VAV2: variants seen among roughly 807,000 people sequenced by gnomAD.
The protein encoded by VAV2 is guanine nucleotide exchange factor VAV2.
In VAV2, 67 loss-of-function variants were observed where a neutral mutation model predicts 132.5. That is an observed-to-expected ratio of 0.51 (90% CI 0.42 to 0.62). The LOEUF (loss-of-function observed/expected upper bound fraction) is 0.62, where lower values mean the gene tolerates loss of function less well. Among genes scored for constraint, VAV2 ranks in the 20% least tolerant of loss-of-function variants. The pLI is 0.00. For missense variants in VAV2, 938 were observed against 1,153.6 expected (o/e 0.81, Z 2.71); for synonymous variants, 492 against 443.5 (o/e 1.11, Z -1.37).
chr9:133,805,552 G>A (rs937592085), intron 9 of VAV2, among the ~76,000 whole-genome samples: 8 of 140,114 alleles, frequency 5.7e-5, no homozygotes, highest in African/African-American at 1.1e-4. Flanking sequence ...CAGAAACGCC[G>A]CCTCCCCAAC....
intron 2 of VAV2, among the ~76,000 whole-genome samples, chr9:133,938,710 AG>A (rs1841018710): frequency 1.3e-5 from 2 of 152,048 alleles, no homozygotes; most frequent in Non-Finnish European, 2.9e-5. Flanking sequence ...GCCCCTTAGG[AG>A]GTGGTACTAA....
intron 1 of VAV2, among the ~76,000 whole-genome samples, chr9:133,946,891 C>A (rs1280851524): frequency 6.6e-6 from 1 of 152,140 alleles, no homozygotes; most frequent in Non-Finnish European, 1.5e-5. Context: ...CAGGTGCTCA[C>A]GGAGACAGGA....
rs1182925582 is a variant in VAV2, at chr9:133,935,886, A to AGGGGGCCCGGTCCCC, written c.321+3202_321+3216dup. Among the ~76,000 whole-genome samples, 35 of 152,174 alleles carry AGGGGGCCCGGTCCCC rather than the reference A, an allele frequency of 2.3e-4. No homozygotes were observed. Among genetic ancestry groups the AGGGGGCCCGGTCCCC allele is most frequent in the African/African-American group, 8.2e-4 (34 of 41,544 alleles). ...GTGCCAGCACCCAGCACACGGTCCCAGGGGGCCCGGTCCCCAGCCAGCTGT... is the reference window on the plus strand; with the variant it reads ...GTGCCAGCACCCAGCACACGGTCCCAGGGGGCCCGGTCCCCGGGGGCCCGGTCCCCAGCCAGCTGT... On this transcript the variant is annotated intron_variant, in intron 2 of 29. Transcript: ENST00000371850. The surrounding 1 kb of genome is among the most constrained non-coding windows in gnomAD (Gnocchi z 5.2).
intron 2 of VAV2, among the ~76,000 whole-genome samples, chr9:133,906,678 C>T (rs1313869605): frequency 6.6e-6 from 1 of 152,208 alleles, no homozygotes; most frequent in African/African-American, 2.4e-5. Context: ...ATCCACATCT[C>T]CCCAAGTCAC....
chr9:133,954,592 C>T (rs945909458), intron 1 of VAV2, among the ~76,000 whole-genome samples: 11 of 152,232 alleles, frequency 7.2e-5, no homozygotes, highest in Non-Finnish European at 1.0e-4. Context: ...GGCACTGCAG[C>T]CAAGCACTTA....
At chr9:133,906,425 C>G (rs994496506) in intron 2 of VAV2, among the ~76,000 whole-genome samples, 1 of 152,210 alleles carries the variant, frequency 6.6e-6, no homozygotes, top group Admixed American at 6.5e-5. Context: ...CGGGGAGCCG[C>G]CCCCGCCCTG....
intron 2 of VAV2, among the ~76,000 whole-genome samples, chr9:133,871,480 GGA>G (rs1838050840): frequency 1.6e-5 from 2 of 124,012 alleles, no homozygotes; most frequent in East Asian, 4.5e-4. Flanking sequence ...ATGGATGGAT[GGA>G]TGGATGGATG....
chr9:133,915,402 C>A (rs370870437), intron 2 of VAV2, among the ~76,000 whole-genome samples: 1 of 152,240 alleles, frequency 6.6e-6, no homozygotes, highest in African/African-American at 2.4e-5. Flanking sequence ...CACCTGCCAA[C>A]GGCCAGCTGA....
At chr9:133,986,505 G>A (rs1448578616) in intron 1 of VAV2, among the ~76,000 whole-genome samples, 3 of 152,158 alleles carry the variant, frequency 2.0e-5, no homozygotes, top group Non-Finnish European at 4.4e-5. Context: ...GCTGTTGGCT[G>A]GATGGAGACG....
intron 2 of VAV2, among the ~76,000 whole-genome samples, chr9:133,908,740 G>A (rs556563912): frequency 8.4e-4 from 128 of 152,374 alleles, no homozygotes; most frequent in South Asian, 7.9e-3. Flanking sequence ...CCTTGCCAGC[G>A]CTGCACCCCT....
rs1286226726 is a variant in VAV2 at position 133,884,431 on chromosome 9, G to A, written c.322-22999C>T. 1.3e-5 allele frequency among the ~76,000 whole-genome samples: 2 copies of A among 152,110 alleles called. No individual in the cohort carries two copies. The highest frequency in any genetic ancestry group is 4.8e-5 in the African/African-American group (2 of 41,412). On this transcript the variant is annotated intron_variant, in intron 2 of 29. Coordinates refer to ENST00000371850, the MANE Select transcript of VAV2 (RefSeq NM_001134398.2). The surrounding 1 kb of genome is among the most constrained non-coding windows in gnomAD (Gnocchi z 5.3). The stretch of plus-strand genomic sequence containing the variant: ...CAGTGGGCTGGCTGCCCTTCTCAAC[G>A]CCCGCCACACTTTGTCAATTAATTA...
intron 2 of VAV2, among the ~76,000 whole-genome samples, chr9:133,904,476 A>G (rs1490946897): frequency 6.6e-6 from 1 of 152,262 alleles, no homozygotes; most frequent in African/African-American, 2.4e-5. Context: ...ACCACGTGGA[A>G]TTCGATGAGT....
At chr9:133,946,835 G>A (rs1427676716) in intron 1 of VAV2, among the ~76,000 whole-genome samples, 3 of 152,164 alleles carry the variant, frequency 2.0e-5, no homozygotes, top group Admixed American at 6.5e-5. Context: ...ATCAAATTTG[G>A]GGCCCATCAG....
chr9:133,812,129 C>T lies in VAV2; in HGVS notation c.537G>A (p.Glu179=). 6 of 1,613,962 alleles carry T rather than the reference C, an allele frequency of 3.7e-6. No homozygotes were observed. Among genetic ancestry groups the T allele is most frequent in the Non-Finnish European group, 5.1e-6 (6 of 1,180,010 alleles). The change falls in exon 5 of 30, where the codon GAG becomes GAA. Residue 179 remains glutamate (E), a synonymous_variant. Coordinates refer to ENST00000371850, the MANE Select transcript of VAV2 (RefSeq NM_001134398.2). Reference sequence around the variant, plus strand: ...CAGGGCTCACCATGGGCTGCTGCACCTCCACCTTGATGATGTCCTCGTAGA... The same window carrying T: ...CAGGGCTCACCATGGGCTGCTGCACTTCCACCTTGATGATGTCCTCGTAGA... ...DDIYEDIIKV[E]VQQPMIRYMQ...
intron 26 of VAV2, among the ~76,000 whole-genome samples, chr9:133,771,059 TTTC>T (rs1239292034): frequency 3.0e-4 from 37 of 122,550 alleles, no homozygotes; most frequent in Non-Finnish European, 5.7e-4. Context: ...GATTATGGAT[TTTC>T]TTTTTTTTTT....
Position 133,769,584 on chromosome 9 carries a change from G to A in VAV2, c.2348-81C>T. On this transcript the variant is annotated intron_variant, in intron 27 of 29. Transcript: ENST00000371850. This position sits in a 1 kb window ranked among gnomAD's most constrained non-coding sequence, Gnocchi z 8.1. ...ACGGTGGGCACAGCTACAGGCCGGG[G>A]GGCATGGGGTGGGGCAGGCCCTTTG... 2 of 1,443,026 alleles carry A rather than the reference G, an allele frequency of 1.4e-6. No individual in the cohort carries two copies. Among genetic ancestry groups the A allele is most frequent in the Admixed American group, 2.0e-5 (1 of 49,774 alleles). The allele number at this position is 1,443,026 out of a possible 1,614,324, so 89.4% of individuals were successfully genotyped here. A position where few individuals can be genotyped will look rare whatever the true frequency, so the allele number is the denominator to read the frequency against.
At chr9:133,937,474 T>G (rs56239852) in intron 2 of VAV2, among the ~76,000 whole-genome samples, 408 of 149,220 alleles carry the variant, frequency 2.7e-3, no homozygotes, top group Non-Finnish European at 4.9e-3. Flanking sequence ...AGTGTGAACA[T>G]GTGTGGGGTG....
chr9:133,783,098 A>C (rs1217599151), intron 19 of VAV2, among the ~76,000 whole-genome samples: 1 of 152,182 alleles, frequency 6.6e-6, no homozygotes, highest in Non-Finnish European at 1.5e-5. Context: ...GGCTATAGCT[A>C]CTGATGGCCA....
At chr9:133,977,523 C>A (rs1172036930) in intron 1 of VAV2, among the ~76,000 whole-genome samples, 2 of 152,218 alleles carry the variant, frequency 1.3e-5, no homozygotes, top group African/African-American at 4.8e-5. Context: ...ACCGGGGACA[C>A]GTGGCAATGG....
Sources: allele counts gnomAD v4.1 joint callset (sites outside exome capture counted in the v4.1 genomes callset), GRCh38; gene constraint gnomAD v4.1.1; non-coding constraint Gnocchi (gnomAD v3.1); transcripts MANE v1.5; gene names NCBI Gene and HGNC (gene_info 2026-07-23, HGNC 2026-07-21).